Variants in ZNF516 observed in about 807,000 individuals in gnomAD.
ZNF516 encodes the protein zinc finger protein 516.
Under a neutral mutation model 79.7 loss-of-function variants are expected in ZNF516, and 19 were observed. The ratio of observed to expected loss-of-function variants is 0.24; its 90% CI spans 0.17 to 0.35. The LOEUF (loss-of-function observed/expected upper bound fraction) is 0.35. Ranked by LOEUF, ZNF516 falls within the 10% of genes least tolerant of loss-of-function variation. The probability of loss-of-function intolerance (pLI) is 1.00; values close to 1 mark genes in which losing one functional copy is unlikely to be tolerated. For missense variants in ZNF516, 1,678 were observed against 1,679.5 expected, an observed-to-expected ratio of 1.00 and a Z score of 0.02; for synonymous variants, 877 against 739.5, an observed-to-expected ratio of 1.19 and a Z score of -3.02.
intron 1 of ZNF516, among the ~76,000 whole-genome samples, chr18:76,472,657 G>T (rs1396035935): frequency 6.6e-6 from 1 of 152,192 alleles, no homozygotes; most frequent in African/African-American, 2.4e-5. Context: ...CCTCCATAAG[G>T]ACGAGTGTCC....
chr18:76,419,540 T>C (rs1415629383), intron 3 of ZNF516, among the ~76,000 whole-genome samples: 1 of 152,260 alleles, frequency 6.6e-6, no homozygotes, highest in Non-Finnish European at 1.5e-5. Context: ...AATCTCATCT[T>C]GAACTGTAGC....
rs114764934 is a variant in ZNF516, at chr18:76,390,807, G to C, written c.1811-10504C>G. Among the ~76,000 whole-genome samples the C allele has an allele frequency of 6.5e-3, 995 of 152,318 alleles. 18 individuals carry two copies. The highest frequency in any genetic ancestry group is 0.022 in the African/African-American group (913 of 41,552). ...ACATGACACTTTCCGGGTTCACTGG[G>C]TGCCTGGAACCATGCCAGGAACTTC... On this transcript the variant is annotated intron_variant, in intron 3 of 6. Coordinates refer to ENST00000443185, the MANE Select transcript of ZNF516 (RefSeq NM_014643.4).
In ZNF516 at chr18:76,376,889, G is replaced by A. The variant is rs185736491; in HGVS notation, c.3259+1966C>T. On this transcript the variant is annotated intron_variant, in intron 4 of 6. Transcript: ENST00000443185. ...GCGGCCACCGGGGGAAGGACACAGC[G>A]GGCCAGGTGCAGCTGGGAACACCCA... Among the ~76,000 whole-genome samples the A allele has an allele frequency of 1.1e-4, 16 of 152,226 alleles. No homozygotes were observed. In the East Asian group the frequency reaches 2.9e-3, roughly 28 times the overall value.
At chr18:76,385,427 T>G (rs1478875440) in intron 3 of ZNF516, among the ~76,000 whole-genome samples, 4 of 152,242 alleles carry the variant, frequency 2.6e-5, no homozygotes, top group African/African-American at 7.2e-5. Flanking sequence ...GTGAGGGCAC[T>G]TTGTATAAAG....
Position 76,391,826 on chromosome 18 carries a change from A to G in ZNF516, c.1811-11523T>C, listed in dbSNP as rs147288306. 1.6e-4 allele frequency among the ~76,000 whole-genome samples: 25 copies of G among 152,346 alleles called. No homozygotes were observed. The East Asian group carries it at 3.1e-3, about 19-fold the overall frequency. On this transcript the variant is annotated intron_variant, in intron 3 of 6. Transcript: ENST00000443185. ...CCCAGCCTCATTGTGTGCTTTGGGG[A>G]TAAGGCTGTTGTCTCAGCCTCGCCC...
chr18:76,417,763 G>A (rs1029806562), intron 3 of ZNF516, among the ~76,000 whole-genome samples: 3 of 151,940 alleles, frequency 2.0e-5, no homozygotes, highest in Admixed American at 6.6e-5. Context: ...ATGGAATTAC[G>A]ACTACCATTG....
intron 4 of ZNF516, among the ~76,000 whole-genome samples, chr18:76,378,430 G>A (rs2070179954): frequency 6.6e-6 from 1 of 152,176 alleles, no homozygotes; most frequent in African/African-American, 2.4e-5. Flanking sequence ...TACATTAAAT[G>A]AATATTCTTG....
intron 1 of ZNF516, among the ~76,000 whole-genome samples, chr18:76,482,467 G>A (rs1047089229): frequency 4.6e-5 from 7 of 152,182 alleles, no homozygotes; most frequent in African/African-American, 1.2e-4. Flanking sequence ...GCAGCCCCGC[G>A]ATCTCCAGGG....
chr18:76,371,111 C>T (rs1054083186), intron 5 of ZNF516, among the ~76,000 whole-genome samples: 1 of 152,248 alleles, frequency 6.6e-6, no homozygotes, highest in Non-Finnish European at 1.5e-5. Flanking sequence ...AGTGAGGACA[C>T]AAAACCAAGC....
chr18:76,474,036 C>T (rs953393927), intron 1 of ZNF516, among the ~76,000 whole-genome samples: 2 of 151,828 alleles, frequency 1.3e-5, no homozygotes, highest in Non-Finnish European at 2.9e-5. Context: ...AGCACCCCTC[C>T]CCCAGCTGTA....
chr18:76,482,495 T>C (rs538697260), intron 1 of ZNF516, among the ~76,000 whole-genome samples: 1 of 152,342 alleles, frequency 6.6e-6, no homozygotes, highest in South Asian at 2.1e-4. Context: ...CGGTACTTCA[T>C]GGCAACCTGC....
intron 1 of ZNF516, among the ~76,000 whole-genome samples, chr18:76,473,615 C>G (rs937460471): frequency 1.1e-4 from 16 of 151,994 alleles, no homozygotes; most frequent in Non-Finnish European, 1.9e-4. Flanking sequence ...TCCTAGCTAA[C>G]ACGGTGAAAC....
At chr18:76,461,052 C>A (rs1198089360) in intron 2 of ZNF516, among the ~76,000 whole-genome samples, 1 of 152,136 alleles carries the variant, frequency 6.6e-6, no homozygotes, top group East Asian at 1.9e-4. Flanking sequence ...CGTGGTGGCG[C>A]ATGCCTGTAA....
At chr18:76,473,355 CAAA>C (rs35092154) in intron 1 of ZNF516, among the ~76,000 whole-genome samples, 4,603 of 87,176 alleles carry the variant, frequency 0.053, 21 homozygotes, top group Middle Eastern at 0.094. Flanking sequence ...TTGCTCTCTG[CAAA>C]AAAAAAAAAA....
rs1402378467 is a variant in ZNF516 at position 76,442,479 on chromosome 18, G to A, written c.576C>T (p.His192=). 6 of 1,603,682 alleles carry A rather than the reference G, an allele frequency of 3.7e-6. No homozygotes were observed. The highest frequency in any genetic ancestry group is 1.7e-5 in the Admixed American group (1 of 60,000). Reference sequence around the variant, plus strand: ...TGAACGGCTTGTGCGCCTGGTGCACGTGCAGCTCCAGGTCCTTCTTACGCT... The same window carrying A: ...TGAACGGCTTGTGCGCCTGGTGCACATGCAGCTCCAGGTCCTTCTTACGCT... ...QFERKKDLEL[H]VHQAHKPFKC... is the part of the protein sequence containing the mutation. Residue 192 remains histidine (H), a synonymous_variant, in exon 3 of 7, where the codon CAC becomes CAT. Coordinates refer to ENST00000443185, the MANE Select transcript of ZNF516 (RefSeq NM_014643.4).
chr18:76,363,067 T>C (rs1376017567), intron 6 of ZNF516, among the ~76,000 whole-genome samples: 7 of 152,198 alleles, frequency 4.6e-5, no homozygotes, highest in Non-Finnish European at 7.3e-5. Flanking sequence ...TGTTCACCCA[T>C]TTCCATAAAC....
rs1332489270 is a variant in ZNF516, at chr18:76,442,599, C to T, written c.456G>A (p.Leu152=). The T allele has an allele frequency of 6.3e-7, 1 of 1,597,620 alleles. No individual in the cohort carries two copies. The highest frequency in any genetic ancestry group is 8.5e-7 in the Non-Finnish European group (1 of 1,179,004). Residue 152 remains leucine (L), a synonymous_variant, in exon 3 of 7, where the codon CTG becomes CTA. Transcript: ENST00000443185. ...GASQADSGRV[L]LRSSKKGAEG... is the part of the protein sequence containing the mutation. ...CTGCCCCCTTCTTGCTGCTCCGCAG[C>T]AGGACTCTGCCGCTGTCGGCCTGCG...
chr18:76,488,732 T>C (rs572302428), intron 1 of ZNF516, among the ~76,000 whole-genome samples: 23 of 152,376 alleles, frequency 1.5e-4, no homozygotes, highest in South Asian at 6.2e-4. Context: ...TCCATTACAG[T>C]TCTATTACTA....
rs1037161293 is a variant in ZNF516, at chr18:76,361,347, C to T, written c.*1151G>A. ...TGGGCCTTAACCCCCACCACAAAAA[C>T]TCGCATTTGCATTACTGAGGAAGAG... On this transcript the variant is annotated 3_prime_UTR_variant, in exon 7 of 7. Coordinates refer to ENST00000443185, the MANE Select transcript of ZNF516 (RefSeq NM_014643.4). 12 of 152,246 alleles carry T rather than the reference C, an allele frequency of 7.9e-5. No homozygotes were observed. Among genetic ancestry groups the T allele is most frequent in the Non-Finnish European group, 1.2e-4 (8 of 68,042 alleles). 9.4% of individuals were successfully genotyped at this position (152,246 alleles called of 1,614,324 possible).
Sources: gnomAD v4.1 joint callset for allele counts (sites outside exome capture counted in the v4.1 genomes callset) on GRCh38, gnomAD v4.1.1 for gene constraint, MANE v1.5 for transcripts, NCBI Gene and HGNC (gene_info 2026-07-23, HGNC 2026-07-21) for gene names.